FCHO1: variants seen among roughly 807,000 people sequenced by gnomAD.
The protein encoded by FCHO1 is FCH and mu domain containing endocytic adaptor 1.
Under a neutral mutation model 114.4 loss-of-function variants are expected in FCHO1, and 45 were observed. The ratio of observed to expected loss-of-function variants is 0.39; its 90% confidence interval spans 0.31 to 0.50. FCHO1 has a LOEUF of 0.50. Among genes scored for constraint, FCHO1 ranks in the 20% least tolerant of loss-of-function variants. The pLI is 0.77. For missense variants in FCHO1, 1,042 were observed against 1,209.6 expected, an observed-to-expected ratio of 0.86 and a Z score of 2.06; for synonymous variants, 480 against 488.9, an observed-to-expected ratio of 0.98 and a Z score of 0.24.
At chr19:17,786,819 C>T (rs1255882963) in intron 27 of FCHO1, among the ~76,000 whole-genome samples, 190 bp downstream of exon 27, 1 of 151,664 alleles carries the variant, frequency 6.6e-6, no homozygotes, top group Non-Finnish European at 1.5e-5. Flanking sequence ...TTGGGAGGCC[C>T]AGAATGCAGG....
At chr19:17,766,398 A>G (rs2089189006) in intron 6 of FCHO1, among the ~76,000 whole-genome samples, 1 of 152,082 alleles carries the variant, frequency 6.6e-6, no homozygotes, top group Non-Finnish European at 1.5e-5. Flanking sequence ...TCGGTCTCCC[A>G]AAGTGCTGGG....
intron 19 of FCHO1, 189 bp from the exon 20 acceptor site, chr19:17,778,420 G>A: frequency 1.3e-6 from 1 of 791,114 alleles, no homozygotes; most frequent in Non-Finnish European, 2.0e-6. Context: ...AGTGGGCGGT[G>A]ACTGAGTGGA....
chr19:17,787,799 TG>T lies in FCHO1; in HGVS notation c.2603del (p.Gly868AlafsTer9). The T allele has an allele frequency of 6.2e-7, 1 of 1,613,284 alleles. No individual in the cohort carries two copies. The highest frequency in any genetic ancestry group is 8.5e-7 in the Non-Finnish European group (1 of 1,179,820). ...CTGTCGGGCGTGGACTTGGAACTGG[TG>T]GGCAGCGGTTACCGCATGTCGCTGG... The part of the protein sequence containing the change: ...TTLSGVDLEL[V>X]GSGYRMSLVK... On this transcript the variant is annotated frameshift_variant, in exon 28 of 29. Coordinates refer to ENST00000596536, the MANE Select transcript of FCHO1 (RefSeq NM_015122.3). LOFTEE classifies it high-confidence loss of function.
Position 17,776,582 on chromosome 19 carries a change from G to A in FCHO1, c.1208-53G>A, listed in dbSNP as rs2092661488. 2 of 1,598,890 alleles carry A rather than the reference G, an allele frequency of 1.3e-6. No homozygotes were observed. Among genetic ancestry groups the A allele is most frequent in the South Asian group, 1.1e-5 (1 of 90,756 alleles). On this transcript the variant is annotated intron_variant, in intron 17 of 28. Transcript: ENST00000596536. This position sits in a 1 kb window ranked among gnomAD's most constrained non-coding sequence, Gnocchi z 4.4. ...CTCGGTCCCTTGGTCTGTGGAGTGG[G>A]GAGCATTGCAGGCAGGGTGACAAGA... is the stretch of plus-strand genomic sequence containing the variant.
intron 27 of FCHO1, among the ~76,000 whole-genome samples, chr19:17,786,872 C>A (rs1031187109): frequency 6.6e-6 from 1 of 150,958 alleles, no homozygotes; most frequent in African/African-American, 2.4e-5. Context: ...GACCCGTGAT[C>A]GTACCACTGC....
rs533088245 is a variant in FCHO1, at chr19:17,786,465, G to A, written c.2427-109G>A. 5 of 1,070,854 alleles carry A rather than the reference G, an allele frequency of 4.7e-6. No individual in the cohort carries two copies. The Admixed American group carries it at 8.6e-5, about 18-fold the overall frequency. 66.3% of individuals were successfully genotyped at this position (1,070,854 alleles called of 1,614,324 possible). On this transcript the variant is annotated intron_variant, in intron 26 of 28. Transcript: ENST00000596536. ...ACAGATGAGGAAATTGAGGTGAAGT[G>A]GGGGAGAAGGTTTGTTGGGGTCACA...
intron 7 of FCHO1, among the ~76,000 whole-genome samples, chr19:17,768,219 G>A (rs1184611105): frequency 2.0e-5 from 3 of 151,912 alleles, no homozygotes; most frequent in African/African-American, 7.3e-5. Context: ...CAGGTGTGCT[G>A]GTGCACGCCT....
At chr19:17,783,352 G>A (rs1568372712) in intron 24 of FCHO1, among the ~76,000 whole-genome samples, 180 bp downstream of exon 24, 1 of 146,512 alleles carries the variant, frequency 6.8e-6, no homozygotes, top group Admixed American at 6.9e-5. Flanking sequence ...CTGCAACTCC[G>A]CCTCCCGGGT....
At chr19:17,770,289 G>A (rs2091094041) in intron 7 of FCHO1, 136 bp from the exon 8 acceptor site, 15 of 831,224 alleles carry the variant, frequency 1.8e-5, no homozygotes, top group Non-Finnish European at 2.7e-5. Context: ...CAACAAGAGC[G>A]AAACTCTGTC....
rs2093403863 is a variant in FCHO1, at chr19:17,781,448, C to A, written c.1741-4C>A. ...ACAGCCAAGATTGTCTCTTTCCCTT[C>A]CAGTCTCGTTCCCTGAGCCCCTCCC... On this transcript the variant is annotated splice_region_variant and splice_polypyrimidine_tract_variant and intron_variant, in intron 21 of 28. Transcript: ENST00000596536. The A allele has an allele frequency of 1.2e-6, 2 of 1,613,918 alleles. No individual in the cohort carries two copies. The highest frequency in any genetic ancestry group is 1.7e-6 in the Non-Finnish European group (2 of 1,179,960).
rs534264431 is a variant in FCHO1 at position 17,775,327 on chromosome 19, C to T, written c.946-129C>T. 23 of 972,158 alleles carry T rather than the reference C, an allele frequency of 2.4e-5. No homozygotes were observed. The highest frequency in any genetic ancestry group is 1.1e-4 in the South Asian group (8 of 73,882). 60.2% of individuals were successfully genotyped at this position (972,158 alleles called of 1,614,324 possible). On this transcript the variant is annotated intron_variant, in intron 14 of 28. Coordinates refer to ENST00000596536, the MANE Select transcript of FCHO1 (RefSeq NM_015122.3). This position sits in a 1 kb window ranked among gnomAD's most constrained non-coding sequence, Gnocchi z 5.1. ...TGCCCACACACCCAGGGAAGACAGT[C>T]GTTGCCATCAGGGTTGGTTTTGAGG...
chr19:17,748,726 C>T (rs920958987), upstream of FCHO1, among the ~76,000 whole-genome samples: 11 of 152,190 alleles, frequency 7.2e-5, no homozygotes, highest in African/African-American at 2.7e-4. Flanking sequence ...TCGAATGGAC[C>T]TGCTTCACTG....
At chr19:17,785,561 C>A (rs895434464) in intron 26 of FCHO1, among the ~76,000 whole-genome samples, 1 of 151,990 alleles carries the variant, frequency 6.6e-6, no homozygotes, top group African/African-American at 2.4e-5. Context: ...AGGCCGGGTG[C>A]GGTGGCTCAC....
At position 17,765,882 on chromosome 19, in the gene FCHO1, CTTTTTTTT is replaced by C. The variant is rs397859350; in HGVS notation, c.195-770_195-763del. Among the ~76,000 whole-genome samples the C allele has an allele frequency of 3.9e-3, 232 of 60,166 alleles. 3 individuals are homozygous for C. The highest frequency in any genetic ancestry group is 0.015 in the South Asian group (21 of 1,438). The allele number at this position is 60,166 out of a possible 152,430, so 39.5% of individuals were successfully genotyped here. A position where few individuals can be genotyped will look rare whatever the true frequency, so the allele number is the denominator to read the frequency against. ...TGGGGCATGTGGTGTCTTAGTCACT[CTTTTTTTT>C]TTTTTTTTTTTTTTTTGAGACAGAG... On this transcript the variant is annotated intron_variant, in intron 6 of 28. Coordinates refer to ENST00000596536, the MANE Select transcript of FCHO1 (RefSeq NM_015122.3).
chr19:17,781,461 C>A lies in FCHO1; in HGVS notation c.1750C>A (p.Leu584Met), dbSNP rs748448597. 1 of 1,613,960 alleles carries A rather than the reference C, an allele frequency of 6.2e-7. No individual in the cohort carries two copies. Among genetic ancestry groups the A allele is most frequent in the African/African-American group, 1.3e-5 (1 of 74,896 alleles). ...TCTCTTTCCCTTCCAGTCTCGTTCC[C>A]TGAGCCCCTCCCCACTGGGCTCTTC... ...TRSNGDLSRSLSPSPLGSSAA... is the reference protein window; with the variant it reads ...TRSNGDLSRSMSPSPLGSSAA... Residue 584 changes from leucine (L) to methionine (M), a missense_variant, in exon 22 of 29, where the codon CTG becomes ATG. Physicochemically the swap from Leu to Met is conservative, Grantham distance 15. Around this residue, in one of 3 missense-constraint regions of FCHO1, gnomAD observed 455 missense variants for 455.4 expected, o/e 1.00. Coordinates refer to ENST00000596536, the MANE Select transcript of FCHO1 (RefSeq NM_015122.3).
chr19:17,762,790 T>C lies in FCHO1; in HGVS notation c.56T>C (p.Leu19Pro). The change falls in exon 5 of 29, where the codon CTG (leucine) becomes CCG (proline). Residue 19 changes from leucine (L) to proline (P), a missense_variant. Around this residue, in one of 3 missense-constraint regions of FCHO1, gnomAD observed 450 missense variants for 564.1 expected, o/e 0.80. Coordinates refer to ENST00000596536, the MANE Select transcript of FCHO1 (RefSeq NM_015122.3). ...WGEKNHGFEV[L>P]YHSVKQGPIS... Reference sequence around the variant, plus strand: ...GAGAAAAATCATGGCTTTGAGGTCCTGTACCACAGCGTGAAGCAGGGGCCC... The same window carrying C: ...GAGAAAAATCATGGCTTTGAGGTCCCGTACCACAGCGTGAAGCAGGGGCCC... 1 of 1,614,040 alleles carries C rather than the reference T, an allele frequency of 6.2e-7. No homozygotes were observed. The highest frequency in any genetic ancestry group is 8.5e-7 in the Non-Finnish European group (1 of 1,179,922).
At chr19:17,766,567 T>G in intron 6 of FCHO1, 102 bp from the exon 7 acceptor site, 1 of 1,449,784 alleles carries the variant, frequency 6.9e-7, no homozygotes, top group Non-Finnish European at 9.5e-7. Context: ...TCATTCATGT[T>G]TAGCAGGGCT....
At chr19:17,780,943 C>A (rs1010487140) in intron 20 of FCHO1, among the ~76,000 whole-genome samples, 2 of 152,220 alleles carry the variant, frequency 1.3e-5, no homozygotes, top group African/African-American at 4.8e-5. Flanking sequence ...GCTGAACCCC[C>A]CTTACAGCAT....
At chr19:17,748,756 A>T (rs1239016677), upstream of FCHO1, among the ~76,000 whole-genome samples, 1 of 152,190 alleles carries the variant, frequency 6.6e-6, no homozygotes, top group East Asian at 1.9e-4. Context: ...GGCAGGTGAC[A>T]GCACCTTTCT....
Sources: gnomAD v4.1 joint callset for allele counts (sites outside exome capture counted in the v4.1 genomes callset) on GRCh38, gnomAD v4.1.1 for gene constraint, gnomAD v4.1.1 regional missense constraint, Gnocchi (gnomAD v3.1) non-coding constraint, MANE v1.5 for transcripts, NCBI Gene and HGNC (gene_info 2026-07-23, HGNC 2026-07-21) for gene names.